EEFSEC: variants seen among roughly 807,000 people sequenced by gnomAD.
The protein encoded by EEFSEC is selenocysteine-specific elongation factor.
In EEFSEC, 43 loss-of-function variants were observed where a neutral mutation model predicts 42.1. The ratio of observed to expected loss-of-function variants is 1.02; its 90% CI spans 0.80 to 1.32. The LOEUF is 1.32. EEFSEC is among the 40% of genes most tolerant of loss of function. The probability of loss-of-function intolerance (pLI) is 0.00; values close to 1 mark genes in which losing one functional copy is unlikely to be tolerated. For synonymous variants in EEFSEC, 354 were observed against 339.1 expected, an observed-to-expected ratio of 1.04 and a Z score of -0.48; for missense variants, 745 against 803.6, an observed-to-expected ratio of 0.93 and a Z score of 0.88.
At chr3:128,315,549 C>T (rs1409865828) in intron 4 of EEFSEC, among the ~76,000 whole-genome samples, 1 of 152,158 alleles carries the variant, frequency 6.6e-6, no homozygotes, top group Non-Finnish European at 1.5e-5. Flanking sequence ...TGGCCTCTGC[C>T]AGAAGCCAGG....
intron 1 of EEFSEC, among the ~76,000 whole-genome samples, chr3:128,176,844 C>G (rs1188869154): frequency 6.6e-6 from 1 of 151,982 alleles, no homozygotes; most frequent in Non-Finnish European, 1.5e-5. Context: ...TTTTAATAAA[C>G]ATCATTACTA....
chr3:128,153,929 C>T, intron 1 of EEFSEC, 106 bp downstream of exon 1: 2 of 1,395,032 alleles, frequency 1.4e-6, no homozygotes, highest in African/African-American at 3.1e-5. Flanking sequence ...AATCGCCCCA[C>T]CTCATTGGTG....
intron 6 of EEFSEC, among the ~76,000 whole-genome samples, chr3:128,364,797 C>T (rs1414179966): frequency 1.3e-5 from 2 of 152,202 alleles, no homozygotes; most frequent in Non-Finnish European, 2.9e-5. Context: ...CAAACCCTGT[C>T]CCGGAGCTGC....
At position 128,317,841 on chromosome 3, in the gene EEFSEC, G is replaced by T. The variant is rs2066964695; in HGVS notation, c.787-23392G>T. Among the ~76,000 whole-genome samples the T allele has an allele frequency of 6.6e-6, 1 of 152,250 alleles. No homozygotes were observed. Among genetic ancestry groups the T allele is most frequent in the Non-Finnish European group, 1.5e-5 (1 of 68,044 alleles). On this transcript the variant is annotated intron_variant, in intron 4 of 6. Transcript: ENST00000254730. This position sits in a 1 kb window ranked among gnomAD's most constrained non-coding sequence, Gnocchi z 4.1. The stretch of plus-strand genomic sequence containing the variant: ...TCCGTCCATCCACAGGCCTGGCACA[G>T]ATGTCCCCTCCTCTCTGAGGTTTCC...
At chr3:128,421,121 G>T in the EEFSEC span, among the ~76,000 whole-genome samples, 1 of 152,032 alleles carries the variant, frequency 6.6e-6, no homozygotes, top group South Asian at 2.1e-4. Context: ...CTTGTCCCCG[G>T]GGCCTTGTCC....
chr3:128,256,000 G>A lies in EEFSEC; in HGVS notation c.525-6128G>A, dbSNP rs2066238335. ...CTATAGTGGGGGAATGTGAGGGGAT[G>A]GCCTAGGGTCTGAGGAAGATGGAGG... On this transcript the variant is annotated intron_variant, in intron 2 of 6. Transcript: ENST00000254730. Among the ~76,000 whole-genome samples, 3 of 152,062 alleles carry A rather than the reference G, an allele frequency of 2.0e-5. 1 individual carries two copies. Among genetic ancestry groups the A allele is most frequent in the Admixed American group, 2.0e-4 (3 of 15,274 alleles).
intron 4 of EEFSEC, among the ~76,000 whole-genome samples, chr3:128,281,263 C>G (rs1162225359): frequency 6.6e-6 from 1 of 152,206 alleles, no homozygotes; most frequent in Non-Finnish European, 1.5e-5. Flanking sequence ...TATAACATCC[C>G]TGGAGCTGGC....
intron 1 of EEFSEC, among the ~76,000 whole-genome samples, chr3:128,187,310 G>A (rs1225723406): frequency 6.6e-6 from 1 of 152,064 alleles, no homozygotes; most frequent in Admixed American, 6.5e-5. Flanking sequence ...GGAAAGAGAG[G>A]CAGGGACACT....
chr3:128,182,493 C>T (rs1057202519), intron 1 of EEFSEC, among the ~76,000 whole-genome samples: 1 of 152,214 alleles, frequency 6.6e-6, no homozygotes, highest in Non-Finnish European at 1.5e-5. Context: ...ACTCCCCGCA[C>T]TGCCAACACA....
intron 1 of EEFSEC, among the ~76,000 whole-genome samples, chr3:128,192,129 G>A (rs1232657778): frequency 6.6e-6 from 1 of 152,188 alleles, no homozygotes; most frequent in Non-Finnish European, 1.5e-5. Flanking sequence ...TGATGGAGCT[G>A]ACCCTGGAGT....
At chr3:128,155,862 A>C (rs761801151) in intron 1 of EEFSEC, among the ~76,000 whole-genome samples, 2 of 152,212 alleles carry the variant, frequency 1.3e-5, no homozygotes, top group Non-Finnish European at 2.9e-5. Context: ...AAGTGAAGGG[A>C]CTTGCTCAGG....
intron 4 of EEFSEC, among the ~76,000 whole-genome samples, chr3:128,339,465 A>G (rs527369834): frequency 5.3e-5 from 8 of 152,360 alleles, no homozygotes; most frequent in African/African-American, 1.9e-4. Flanking sequence ...CTTCAAATCC[A>G]TGAACAGTTT....
At chr3:128,216,625 A>T (rs1032593538) in intron 1 of EEFSEC, among the ~76,000 whole-genome samples, 1 of 152,204 alleles carries the variant, frequency 6.6e-6, no homozygotes, top group African/African-American at 2.4e-5. Context: ...CTGGCCGTAC[A>T]TGGGGTCTCT....
chr3:128,193,770 C>G lies in EEFSEC; in HGVS notation c.316+39947C>G, dbSNP rs2065551498. ...GGCCAGGATTTGGACATAACTTGTA[C>G]AACTCCAAAGCCATTTCTCCTAGTT... On this transcript the variant is annotated intron_variant, in intron 1 of 6. Transcript: ENST00000254730. 2.0e-5 allele frequency among the ~76,000 whole-genome samples: 3 copies of G among 152,150 alleles called. No homozygotes were observed. The South Asian group carries it at 6.2e-4, about 32-fold the overall frequency.
chr3:128,363,363 C>A (rs1303016310), intron 6 of EEFSEC, among the ~76,000 whole-genome samples: 1 of 152,246 alleles, frequency 6.6e-6, no homozygotes, highest in African/African-American at 2.4e-5. Flanking sequence ...ACCTGAGATT[C>A]GAACCCAGAG....
In EEFSEC at chr3:128,173,276, GA is replaced by G. The variant is rs199579697; in HGVS notation, c.316+19457del. ...AAGGAGCCTGGTTTGTGAGGGGAAT[GA>G]AAAGTTGTTCCTGCGTGTGGATTCT... On this transcript the variant is annotated intron_variant, in intron 1 of 6. Coordinates refer to ENST00000254730, the MANE Select transcript of EEFSEC (RefSeq NM_021937.5). 6.0e-3 allele frequency among the ~76,000 whole-genome samples: 916 copies of G among 152,318 alleles called. 20 individuals are homozygous for G. In the East Asian group the frequency reaches 0.067, roughly 11 times the overall value.
At chr3:128,169,589 T>C in intron 1 of EEFSEC, among the ~76,000 whole-genome samples, 1 of 152,044 alleles carries the variant, frequency 6.6e-6, no homozygotes. Flanking sequence ...ATTTCCATGG[T>C]AGAGGGATGG....
chr3:128,383,972 T>G (rs886224868), intron 6 of EEFSEC, among the ~76,000 whole-genome samples: 2 of 152,218 alleles, frequency 1.3e-5, no homozygotes, highest in Admixed American at 6.5e-5. Flanking sequence ...GAACTGTATG[T>G]CAAATGTCCT....
chr3:128,405,728 G>C (rs2068101661), intron 6 of EEFSEC, among the ~76,000 whole-genome samples: 1 of 152,262 alleles, frequency 6.6e-6, no homozygotes. Flanking sequence ...GGAAAAGGGA[G>C]GAAAATTCTT....
Sources: allele counts gnomAD v4.1 joint callset (sites outside exome capture counted in the v4.1 genomes callset), GRCh38; gene constraint gnomAD v4.1.1; non-coding constraint Gnocchi (gnomAD v3.1); transcripts MANE v1.5; gene names NCBI Gene and HGNC (gene_info 2026-07-23, HGNC 2026-07-21).